Variants in AGBL1 observed in about 807,000 individuals in gnomAD.
AGBL1 encodes cytosolic carboxypeptidase 4.
AGBL1 carries 130 observed loss-of-function variants against 118.9 expected under a neutral mutation model. That is an observed-to-expected ratio of 1.09 (90% confidence interval 0.95 to 1.26). AGBL1 has a LOEUF of 1.26. Among genes scored for constraint, AGBL1 ranks in the 50% most tolerant of loss-of-function variants. The probability of loss-of-function intolerance (pLI) is 0.00; values close to 1 mark genes in which losing one functional copy is unlikely to be tolerated. For missense variants in AGBL1, 1,584 were observed against 1,298.1 expected (o/e 1.22, Z -3.38); for synonymous variants, 555 against 478.9 (o/e 1.16, Z -2.08).
intron 5 of AGBL1, among the ~76,000 whole-genome samples, chr15:86,196,667 G>A (rs999117604): frequency 2.0e-5 from 3 of 152,086 alleles, no homozygotes; most frequent in African/African-American, 7.2e-5. Flanking sequence ...GCTATGGACT[G>A]AATTGTGTCC....
chr15:86,967,933 C>T lies in AGBL1; in HGVS notation c.3222-20054C>T, dbSNP rs142770943. Among the ~76,000 whole-genome samples, 479 of 152,138 alleles carry T rather than the reference C, an allele frequency of 3.1e-3. 2 individuals are homozygous for T. The highest frequency in any genetic ancestry group is 0.012 in the South Asian group (57 of 4,822). ...ACCTTGGGCAGTATGGCCATTTTCA[C>T]GATATTGATTCTTCCTACCCATGAG... On this transcript the variant is annotated intron_variant, in intron 23 of 24. Coordinates refer to the AGBL1 transcript ENST00000441037.
downstream of AGBL1, among the ~76,000 whole-genome samples, chr15:86,921,007 C>T (rs1222590611): frequency 6.6e-6 from 1 of 152,148 alleles, no homozygotes; most frequent in East Asian, 1.9e-4. Flanking sequence ...GCAAGGAGAA[C>T]TGGGCAGCTC....
intron 21 of AGBL1, among the ~76,000 whole-genome samples, chr15:86,591,852 A>G (rs1412494086): frequency 6.6e-6 from 1 of 152,102 alleles, no homozygotes; most frequent in African/African-American, 2.4e-5. Flanking sequence ...CAACCCCCTA[A>G]TTGTATCTTG....
intron 24 of AGBL1, among the ~76,000 whole-genome samples, chr15:87,003,314 C>G (rs965068094): frequency 6.6e-6 from 1 of 151,796 alleles, no homozygotes; most frequent in Non-Finnish European, 1.5e-5. Flanking sequence ...AGTCTTGCAT[C>G]CCAGGGATGA....
intron 18 of AGBL1, among the ~76,000 whole-genome samples, chr15:86,446,420 T>C (rs2142062492): frequency 6.6e-6 from 1 of 152,326 alleles, no homozygotes; most frequent in Middle Eastern, 3.4e-3. Context: ...TAGCAAGCTG[T>C]ATTAGAATTG....
At chr15:86,412,037 T>G (rs543010208) in intron 18 of AGBL1, among the ~76,000 whole-genome samples, 40 of 152,214 alleles carry the variant, frequency 2.6e-4, no homozygotes, top group Non-Finnish European at 4.9e-4. Flanking sequence ...AAGGAATCCC[T>G]TGAAAAATCT....
At chr15:86,851,989 G>A (rs184548059) in intron 22 of AGBL1, among the ~76,000 whole-genome samples, 1 of 152,108 alleles carries the variant, frequency 6.6e-6, no homozygotes, top group Non-Finnish European at 1.5e-5. Context: ...GCTCACCATT[G>A]TCATGGCAGC....
chr15:86,114,930 T>G (rs1420559079), intron 1 of AGBL1, among the ~76,000 whole-genome samples: 2 of 152,186 alleles, frequency 1.3e-5, no homozygotes, highest in Non-Finnish European at 2.9e-5. Flanking sequence ...AATTTGACTC[T>G]TTTGTTAGAA....
At chr15:86,710,410 A>G (rs60123080) in intron 22 of AGBL1, among the ~76,000 whole-genome samples, 7,137 of 152,242 alleles carry the variant, frequency 0.047, 325 homozygotes, top group African/African-American at 0.12. Flanking sequence ...AAAATAATGA[A>G]TGACTGTGAA....
At chr15:86,698,459 C>T (rs934890613) in intron 22 of AGBL1, among the ~76,000 whole-genome samples, 1 of 151,976 alleles carries the variant, frequency 6.6e-6, no homozygotes, top group Non-Finnish European at 1.5e-5. Flanking sequence ...TCTTTCCCTT[C>T]CCTATACCAT....
At chr15:86,529,601 C>G (rs907091429) in intron 19 of AGBL1, among the ~76,000 whole-genome samples, 9 of 124,282 alleles carry the variant, frequency 7.2e-5, no homozygotes, top group Non-Finnish European at 1.2e-4. Context: ...TCAGGAAATA[C>G]AGAGAACGCC....
intron 24 of AGBL1, among the ~76,000 whole-genome samples, chr15:87,008,941 C>G (rs970861198): frequency 2.6e-5 from 4 of 152,140 alleles, no homozygotes; most frequent in African/African-American, 9.7e-5. Flanking sequence ...TAAAAGCATT[C>G]AGTTTTAAAA....
intron 22 of AGBL1, among the ~76,000 whole-genome samples, chr15:86,747,699 G>A (rs905301081): frequency 2.6e-5 from 4 of 151,972 alleles, no homozygotes; most frequent in Admixed American, 6.6e-5. Context: ...TCTTTGTTCA[G>A]TTCCCACCTA....
rs1471537554 is a variant in AGBL1 at position 86,329,905 on chromosome 15, A to G, written c.2374+34497A>G. On this transcript the variant is annotated intron_variant, in intron 17 of 22. Transcript: ENST00000614907. ...TTGCTCCATGCCCAGGCAGATCTCC[A>G]GGCATCCAGAGCATCCACTCTCCTG... is the stretch of plus-strand genomic sequence containing the variant. 5.3e-5 allele frequency among the ~76,000 whole-genome samples: 8 copies of G among 152,348 alleles called. No homozygotes were observed. The East Asian group carries it at 1.5e-3, about 29-fold the overall frequency.
chr15:86,242,388 A>C (rs1266537862), intron 6 of AGBL1, among the ~76,000 whole-genome samples: 1 of 152,208 alleles, frequency 6.6e-6, no homozygotes, highest in African/African-American at 2.4e-5. Context: ...ATCTCATTTA[A>C]TTCTCTCAAC....
chr15:86,770,197 C>T (rs937458843), intron 22 of AGBL1, among the ~76,000 whole-genome samples: 27 of 151,904 alleles, frequency 1.8e-4, no homozygotes, highest in African/African-American at 6.3e-4. Flanking sequence ...GTATCTGGCG[C>T]TATAGTTAGT....
intron 5 of AGBL1, among the ~76,000 whole-genome samples, chr15:86,213,754 A>T (rs953144922): frequency 6.6e-6 from 1 of 152,228 alleles, no homozygotes; most frequent in African/African-American, 2.4e-5. Flanking sequence ...TTTTTTTATT[A>T]TAAAAGATAC....
intron 17 of AGBL1, among the ~76,000 whole-genome samples, chr15:86,376,843 T>C (rs980394399): frequency 5.9e-5 from 9 of 152,364 alleles, no homozygotes; most frequent in Admixed American, 3.3e-4. Flanking sequence ...GTCTCCTCTA[T>C]GTAGCCAAAG....
intron 21 of AGBL1, among the ~76,000 whole-genome samples, chr15:86,575,112 C>G (rs1045097557): frequency 6.6e-6 from 1 of 152,002 alleles, no homozygotes; most frequent in Admixed American, 6.5e-5. Context: ...TCGCTTGAAC[C>G]TGGGAGGTGG....
Sources: gnomAD v4.1 joint callset for allele counts (sites outside exome capture counted in the v4.1 genomes callset) on GRCh38, gnomAD v4.1.1 for gene constraint, MANE v1.5 for transcripts, NCBI Gene and HGNC (gene_info 2026-07-23, HGNC 2026-07-21) for gene names.